Variants in UGT1A8 observed in about 807,000 individuals in gnomAD.
UGT1A8 encodes UDP glucuronosyltransferase family 1 member A8, also known as UDP-glucuronosyltransferase 1A8.
Under a neutral mutation model 45.3 loss-of-function variants are expected in UGT1A8, and 39 were observed. That is an observed-to-expected ratio of 0.86 (90% confidence interval 0.67 to 1.12). The LOEUF (loss-of-function observed/expected upper bound fraction) is 1.12. UGT1A8 is among the 50% of genes most tolerant of loss of function. UGT1A8 has a pLI of 0.00. For missense variants in UGT1A8, 719 were observed against 664.9 expected (o/e 1.08, Z -0.90); for synonymous variants, 275 against 249.2 (o/e 1.10, Z -0.97).
intron 1 of UGT1A8, chr2:233,760,248 A>ATT (rs606231201): frequency 6.2e-7 from 1 of 1,609,150 alleles, no homozygotes; most frequent in South Asian, 1.1e-5. Context: ...ATATATATAT[A>ATT]AGTAGGAGAG....
chr2:233,648,282 A>G (rs1172744292), intron 1 of UGT1A8: 15 of 616,008 alleles, frequency 2.4e-5, no homozygotes, highest in Non-Finnish European at 3.5e-5. Flanking sequence ...TGGATCCTTT[A>G]GATATGTGTG....
At chr2:233,666,052 T>C (rs895128922) in intron 1 of UGT1A8, among the ~76,000 whole-genome samples, 1 of 152,230 alleles carries the variant, frequency 6.6e-6, no homozygotes, top group Non-Finnish European at 1.5e-5. Context: ...ACAAGAAGCA[T>C]GGCACCAGCA....
chr2:233,772,879 G>T lies in UGT1A8; in HGVS notation c.*320G>T. The stretch of plus-strand genomic sequence containing the variant: ...AAACATGGCCTGTTTGGGAGTGCGG[G>T]ATTCAAAGGTGGTCCCACGGCTGCC... On this transcript the variant is annotated 3_prime_UTR_variant, in exon 5 of 5. Transcript: ENST00000373450. The T allele has an allele frequency of 1.7e-6, 1 of 580,054 alleles. No individual in the cohort carries two copies. The allele number at this position is 580,054 out of a possible 1,614,324, so 35.9% of individuals were successfully genotyped here. A position where few individuals can be genotyped will look rare whatever the true frequency, so the allele number is the denominator to read the frequency against.
intron 1 of UGT1A8, among the ~76,000 whole-genome samples, chr2:233,654,531 A>C (rs2073812315): frequency 6.6e-6 from 1 of 152,384 alleles, no homozygotes; most frequent in South Asian, 2.1e-4. Context: ...CGTTTTCTGC[A>C]GTTGATTATA....
At chr2:233,754,945 G>C (rs1342760083) in intron 1 of UGT1A8, 3 of 1,327,414 alleles carry the variant, frequency 2.3e-6, no homozygotes, top group Non-Finnish European at 3.0e-6. Flanking sequence ...AAGGAGAATG[G>C]GTCCCGGCCG....
chr2:233,641,664 C>T (rs1384789575), intron 1 of UGT1A8, among the ~76,000 whole-genome samples: 2 of 152,172 alleles, frequency 1.3e-5, no homozygotes, highest in African/African-American at 4.8e-5. Flanking sequence ...GATTGAAGTA[C>T]TCCCTGTAGC....
At chr2:233,661,926 T>C (rs1485809695) in intron 1 of UGT1A8, among the ~76,000 whole-genome samples, 1 of 152,062 alleles carries the variant, frequency 6.6e-6, no homozygotes, top group Non-Finnish European at 1.5e-5. Flanking sequence ...GTGAGATCAG[T>C]GTTTACTGTG....
At chr2:233,685,229 C>T (rs975059697) in intron 1 of UGT1A8, among the ~76,000 whole-genome samples, 45 of 152,106 alleles carry the variant, frequency 3.0e-4, no homozygotes, top group Admixed American at 5.9e-4. Context: ...GACGGGGTTT[C>T]ACCATGTTGG....
At chr2:233,729,935 T>C (rs2077953750) in intron 1 of UGT1A8, 1 of 1,614,092 alleles carries the variant, frequency 6.2e-7, no homozygotes, top group African/African-American at 1.3e-5. Flanking sequence ...AGGCCAATCA[T>C]GCCCAACATG....
chr2:233,682,752 T>C (rs369493706), intron 1 of UGT1A8: 65 of 1,613,820 alleles, frequency 4.0e-5, no homozygotes, highest in Middle Eastern at 3.3e-4. Context: ...ATGATCTTCA[T>C]TGGTGGTATC....
At chr2:233,631,057 C>T (rs1455736365) in intron 1 of UGT1A8, among the ~76,000 whole-genome samples, 1 of 151,846 alleles carries the variant, frequency 6.6e-6, no homozygotes. Flanking sequence ...CATTGTCCAA[C>T]TCCTACTTGC....
chr2:233,622,364 C>T (rs943757731), intron 1 of UGT1A8, among the ~76,000 whole-genome samples: 1 of 152,200 alleles, frequency 6.6e-6, no homozygotes, highest in African/African-American at 2.4e-5. Flanking sequence ...AAAAGCGTTC[C>T]TATTTCTCCA....
Position 233,772,667 on chromosome 2 carries a change from T to C in UGT1A8, c.*108T>C. On this transcript the variant is annotated 3_prime_UTR_variant, in exon 5 of 5. Transcript: ENST00000373450. Reference sequence around the variant, plus strand: ...TTTTATTCTTATTAAGGAAATACTTTGCATAAATTAATCAGCCCCAGAGTG... The same window carrying C: ...TTTTATTCTTATTAAGGAAATACTTCGCATAAATTAATCAGCCCCAGAGTG... The C allele has an allele frequency of 2.0e-6, 3 of 1,538,078 alleles. No individual in the cohort carries two copies. Among genetic ancestry groups the C allele is most frequent in the Admixed American group, 4.0e-5 (2 of 50,106 alleles).
intron 1 of UGT1A8, among the ~76,000 whole-genome samples, chr2:233,620,911 C>T (rs2072992684): frequency 1.3e-5 from 2 of 152,188 alleles, no homozygotes; most frequent in East Asian, 1.9e-4. Flanking sequence ...GTGTGAGTCT[C>T]ATCTGCCTGA....
intron 1 of UGT1A8, among the ~76,000 whole-genome samples, chr2:233,629,253 A>G (rs982872071): frequency 6.6e-6 from 1 of 152,152 alleles, no homozygotes; most frequent in Admixed American, 6.5e-5. Context: ...CACTCTGCAC[A>G]ATGCCCTTAA....
chr2:233,768,916 T>A (rs1454588101), intron 4 of UGT1A8, among the ~76,000 whole-genome samples: 1 of 152,138 alleles, frequency 6.6e-6, no homozygotes, highest in African/African-American at 2.4e-5. Context: ...TAGAGGTTAT[T>A]ATTCACTTTA....
intron 4 of UGT1A8, chr2:233,770,251 G>A (rs1382246266): frequency 6.6e-6 from 1 of 152,150 alleles, no homozygotes; most frequent in Non-Finnish European, 1.5e-5. Flanking sequence ...CCAACACTCT[G>A]AGCTGGGGAT....
At position 233,682,413 on chromosome 2, in the gene UGT1A8, A is replaced by G. The variant is rs1324390372; in HGVS notation, c.855+63851A>G. 25 of 1,613,852 alleles carry G rather than the reference A, an allele frequency of 1.5e-5. No individual in the cohort carries two copies. Among genetic ancestry groups the G allele is most frequent in the Middle Eastern group, 3.3e-4 (2 of 6,056 alleles). On this transcript the variant is annotated intron_variant, in intron 1 of 4. Coordinates refer to ENST00000373450, the MANE Select transcript of UGT1A8 (RefSeq NM_019076.5). The stretch of plus-strand genomic sequence containing the variant: ...GATGCCTGTGGCTTAATTGTTGCCA[A>G]ATATTTCTCCCTCCCCTCTGTGGTC...
chr2:233,638,644 G>C (rs1235883119), intron 1 of UGT1A8, among the ~76,000 whole-genome samples: 2 of 151,878 alleles, frequency 1.3e-5, no homozygotes, highest in African/African-American at 4.8e-5. Context: ...TGAAACACCT[G>C]GTGTCTCATC....
Sources: gnomAD v4.1 joint callset for allele counts (sites outside exome capture counted in the v4.1 genomes callset) on GRCh38, gnomAD v4.1.1 for gene constraint, MANE v1.5 for transcripts, NCBI Gene and HGNC (gene_info 2026-07-23, HGNC 2026-07-21) for gene names.